Variants in TCF12 observed in about 807,000 individuals in gnomAD.
The protein encoded by TCF12 is DNA-binding protein HTF4.
TCF12 carries 45 observed loss-of-function variants against 86.0 expected under a neutral mutation model. The ratio of observed to expected loss-of-function variants is 0.52; its 90% CI spans 0.41 to 0.67. The LOEUF is 0.67. Among genes scored for constraint, TCF12 ranks in the 30% least tolerant of loss-of-function variants. TCF12 has a pLI of 0.00. For missense variants in TCF12, 881 were observed against 859.9 expected (o/e 1.02, Z -0.31); for synonymous variants, 330 against 299.6 (o/e 1.10, Z -1.05).
intron 3 of TCF12, among the ~76,000 whole-genome samples, chr15:56,967,221 A>G (rs1217229493): frequency 2.0e-5 from 3 of 152,108 alleles, no homozygotes; most frequent in African/African-American, 7.2e-5. Context: ...ACTGGATTAA[A>G]TTATAATATA....
chr15:56,998,283 C>A lies in TCF12; in HGVS notation c.149-65467C>A, dbSNP rs182987872. Among the ~76,000 whole-genome samples, 558 of 151,942 alleles carry A rather than the reference C, an allele frequency of 3.7e-3. 5 individuals carry two copies. Among genetic ancestry groups the A allele is most frequent in the African/African-American group, 0.013 (531 of 41,430 alleles). ...ACCAGCCTGGACAACATGGTGAAACCCCCTCTTTACTAAAAATACAAAAAT... is the reference window on the plus strand; with the variant it reads ...ACCAGCCTGGACAACATGGTGAAACACCCTCTTTACTAAAAATACAAAAAT... On this transcript the variant is annotated intron_variant, in intron 3 of 20. Coordinates refer to ENST00000333725, the MANE Select transcript of TCF12 (RefSeq NM_207037.2).
chr15:57,271,276 T>G (rs1056730960), intron 18 of TCF12, among the ~76,000 whole-genome samples: 1 of 152,160 alleles, frequency 6.6e-6, no homozygotes, highest in Non-Finnish European at 1.5e-5. Context: ...TAAAACCACC[T>G]ACTCAAGCCT....
intron 3 of TCF12, among the ~76,000 whole-genome samples, chr15:56,947,282 C>G (rs114791975): frequency 0.012 from 1,756 of 152,146 alleles, 31 homozygotes; most frequent in African/African-American, 0.039. Context: ...TTTCGCCTGC[C>G]ATTGTGGAGT....
chr15:56,943,038 A>G (rs1331448881), intron 3 of TCF12, among the ~76,000 whole-genome samples: 1 of 152,214 alleles, frequency 6.6e-6, no homozygotes, highest in African/African-American at 2.4e-5. Flanking sequence ...TTGGTGAGAA[A>G]CACAGTCATT....
intron 4 of TCF12, among the ~76,000 whole-genome samples, chr15:57,080,143 A>G (rs113363748): frequency 1.9e-3 from 285 of 152,332 alleles, no homozygotes; most frequent in Non-Finnish European, 3.0e-3. Context: ...TACTGACAGG[A>G]TTATATTTTA....
At chr15:57,182,294 C>T (rs1040444890) in intron 6 of TCF12, among the ~76,000 whole-genome samples, 5 of 151,926 alleles carry the variant, frequency 3.3e-5, no homozygotes, top group Non-Finnish European at 5.9e-5. Context: ...TTTGAAGAAT[C>T]AAATAAAGAA....
chr15:57,253,197 G>T, intron 15 of TCF12, 65 bp from the exon 16 acceptor site: 1 of 1,554,346 alleles, frequency 6.4e-7, no homozygotes, highest in Non-Finnish European at 8.9e-7. Context: ...AGTAGGAAAC[G>T]TAGCAGTTAA....
At position 57,286,577 on chromosome 15, in the gene TCF12, A is replaced by C. The variant is rs2061940456; in HGVS notation, c.*432A>C. ...AAAAGTTAATGTGGAAAGCTGATCT[A>C]CACTCAGCTGATGCCAGCATACATT... On this transcript the variant is annotated 3_prime_UTR_variant, in exon 21 of 21. Coordinates refer to ENST00000333725, the MANE Select transcript of TCF12 (RefSeq NM_207037.2). 3 of 455,276 alleles carry C rather than the reference A, an allele frequency of 6.6e-6. No homozygotes were observed. The highest frequency in any genetic ancestry group is 1.3e-5 in the Non-Finnish European group (3 of 226,622). 28.2% of individuals were successfully genotyped at this position (455,276 alleles called of 1,614,324 possible). A position where few individuals can be genotyped will look rare whatever the true frequency, so the allele number is the denominator to read the frequency against.
chr15:57,049,282 A>G (rs965499569), intron 3 of TCF12, among the ~76,000 whole-genome samples: 1 of 152,062 alleles, frequency 6.6e-6, no homozygotes, highest in Non-Finnish European at 1.5e-5. Flanking sequence ...ATGAGAGAGC[A>G]TTTTTCAGTG....
At chr15:57,118,248 A>T (rs1188686157) in intron 5 of TCF12, 3 of 152,218 alleles carry the variant, frequency 2.0e-5, no homozygotes, top group Non-Finnish European at 4.4e-5. Flanking sequence ...TAAATGTTAA[A>T]TAAAAGAGCA....
chr15:57,271,847 G>A (rs2061159679), intron 18 of TCF12, among the ~76,000 whole-genome samples: 1 of 152,078 alleles, frequency 6.6e-6, no homozygotes, highest in African/African-American at 2.4e-5. Flanking sequence ...TCTTTATTAT[G>A]TATGTTAAAA....
In TCF12 at chr15:57,127,388, G is replaced by A. The variant is rs980317757; in HGVS notation, c.325+35497G>A. On this transcript the variant is annotated intron_variant, in intron 5 of 20. Transcript: ENST00000333725. ...GCTAAACTTTGAGGAGACAAAAATG[G>A]TTAATATTTTCATCATTAATAGTTT... 1.1e-4 allele frequency among the ~76,000 whole-genome samples: 16 copies of A among 152,170 alleles called. No homozygotes were observed. The East Asian group carries it at 1.9e-3, about 18-fold the overall frequency.
intron 3 of TCF12, among the ~76,000 whole-genome samples, chr15:56,976,500 G>A (rs1595928331): frequency 6.6e-6 from 1 of 151,758 alleles, no homozygotes; most frequent in African/African-American, 2.4e-5. Context: ...GCCTCCCAAA[G>A]TGCTGGGAGG....
chr15:57,285,789 T>A (rs1186706852), intron 20 of TCF12, among the ~76,000 whole-genome samples: 1 of 152,126 alleles, frequency 6.6e-6, no homozygotes, highest in Non-Finnish European at 1.5e-5. Context: ...TATAGCCGGG[T>A]GTGGTGGTGC....
At chr15:56,961,381 T>C (rs536758028) in intron 3 of TCF12, among the ~76,000 whole-genome samples, 302 of 152,342 alleles carry the variant, frequency 2.0e-3, no homozygotes, top group African/African-American at 6.9e-3. Flanking sequence ...TTAACATGTC[T>C]GCTTTCCATT....
At chr15:57,145,429 G>T (rs1478489387) in intron 5 of TCF12, among the ~76,000 whole-genome samples, 1 of 151,914 alleles carries the variant, frequency 6.6e-6, no homozygotes, top group Non-Finnish European at 1.5e-5. Flanking sequence ...GATTATCAGG[G>T]GATTGGTGAG....
intron 13 of TCF12, chr15:57,247,224 C>CT (rs1395560344): frequency 1.1e-5 from 7 of 626,782 alleles, no homozygotes; most frequent in African/African-American, 9.1e-5. Flanking sequence ...GGACTACCAC[C>CT]ATAGTTGCCA....
chr15:57,266,978 A>G (rs367755120), intron 18 of TCF12, among the ~76,000 whole-genome samples: 60 of 152,368 alleles, frequency 3.9e-4, no homozygotes, highest in African/African-American at 1.3e-3. Context: ...ATAGTGAGCC[A>G]TGATCATGCC....
chr15:57,095,737 G>A (rs2049279256), intron 5 of TCF12, among the ~76,000 whole-genome samples: 1 of 152,092 alleles, frequency 6.6e-6, no homozygotes, highest in African/African-American at 2.4e-5. Context: ...GAGTTAGGAG[G>A]TGTGGATTTT....
Sources: allele counts gnomAD v4.1 joint callset (sites outside exome capture counted in the v4.1 genomes callset), GRCh38; gene constraint gnomAD v4.1.1; transcripts MANE v1.5; gene names NCBI Gene and HGNC (gene_info 2026-07-23, HGNC 2026-07-21).